Variants in KDM2A observed in about 807,000 individuals in gnomAD.
KDM2A encodes the protein lysine-specific demethylase 2A.
In KDM2A, 3 loss-of-function variants were observed where a neutral mutation model predicts 137.3. The observed-to-expected ratio is 0.02, with a 90% CI of 0.01 to 0.06. KDM2A has a LOEUF of 0.06. KDM2A is among the 10% of genes least tolerant of loss of function. The pLI, the probability that KDM2A is intolerant of heterozygous loss-of-function variation, is 1.00. For synonymous variants in KDM2A, 512 were observed against 541.5 expected, an observed-to-expected ratio of 0.95 and a Z score of 0.76; for missense variants, 738 against 1,510.6, an observed-to-expected ratio of 0.49 and a Z score of 8.48.
intron 5 of KDM2A, among the ~76,000 whole-genome samples, chr11:67,198,283 G>T (rs892248104): frequency 6.6e-6 from 1 of 151,086 alleles, no homozygotes. Context: ...GAGTATGAGC[G>T]CACCTCATTT....
At chr11:67,183,401 A>C (rs544420214) in intron 5 of KDM2A, among the ~76,000 whole-genome samples, 1 of 152,348 alleles carries the variant, frequency 6.6e-6, no homozygotes, top group Admixed American at 6.5e-5. Flanking sequence ...CCTGCATCAG[A>C]ATTGCTTGTG....
In KDM2A at chr11:67,245,562, A is replaced by G; in HGVS notation, c.1833+104A>G. On this transcript the variant is annotated intron_variant, in intron 14 of 20. Transcript: ENST00000529006. The surrounding 1 kb of genome is among the most constrained non-coding windows in gnomAD (Gnocchi z 4.1). The stretch of plus-strand genomic sequence containing the variant: ...AAAGAGACTTCAGAGTTGGAAAGAA[A>G]AGGTTTATACTCTCTTTTTGGCTTT... 1 of 1,292,706 alleles carries G rather than the reference A, an allele frequency of 7.7e-7. No individual in the cohort carries two copies. The highest frequency in any genetic ancestry group is 2.3e-5 in the Admixed American group (1 of 42,626). The allele number at this position is 1,292,706 out of a possible 1,614,324, so 80.1% of individuals were successfully genotyped here.
intron 6 of KDM2A, among the ~76,000 whole-genome samples, chr11:67,210,949 C>T (rs1222410548): frequency 6.6e-6 from 1 of 152,024 alleles, no homozygotes; most frequent in African/African-American, 2.4e-5. Flanking sequence ...CGAGACCACT[C>T]GGGAGGCTGA....
rs568192970 is a variant in KDM2A, at chr11:67,193,097, C to G, written c.307+11205C>G. ...CTCCGCCTCCCAGGTTCAAGTGATT[C>G]TCCTGCCTCAGCCTCCTGAGTAGCT... On this transcript the variant is annotated intron_variant, in intron 5 of 20. Coordinates refer to ENST00000529006, the MANE Select transcript of KDM2A (RefSeq NM_012308.3). Among the ~76,000 whole-genome samples, 165 of 152,316 alleles carry G rather than the reference C, an allele frequency of 1.1e-3. 1 individual carries two copies. In the Middle Eastern group the frequency reaches 0.017, roughly 16 times the overall value.
intron 3 of KDM2A, 53 bp from the exon 4 acceptor site, chr11:67,181,267 T>G: frequency 8.4e-7 from 1 of 1,190,450 alleles, no homozygotes; most frequent in Non-Finnish European, 1.2e-6. Context: ...TATGGTCCTT[T>G]TATCGTTTTT....
At chr11:67,138,361 TC>T (rs1305685056) in intron 2 of KDM2A, among the ~76,000 whole-genome samples, 1 of 152,218 alleles carries the variant, frequency 6.6e-6, no homozygotes, top group Non-Finnish European at 1.5e-5. Flanking sequence ...AGATTGCTAA[TC>T]AGGTTGCATA....
intron 6 of KDM2A, among the ~76,000 whole-genome samples, chr11:67,208,768 CAA>C (rs530204253): frequency 6.8e-4 from 46 of 67,514 alleles, no homozygotes; most frequent in Admixed American, 1.2e-3. Flanking sequence ...GACCCTGTCT[CAA>C]AAAAAAAAAA....
At position 67,250,565 on chromosome 11, in the gene KDM2A, C is replaced by G. The variant is rs769467365; in HGVS notation, c.2535C>G (p.Pro845=). 1.2e-6 allele frequency: 2 copies of G among 1,613,700 alleles called. No homozygotes were observed. The highest frequency in any genetic ancestry group is 1.7e-6 in the Non-Finnish European group (2 of 1,179,738). The change falls in exon 17 of 21, where the codon CCC becomes CCG. Residue 845 remains proline (P), a synonymous_variant. Transcript: ENST00000529006. The surrounding 1 kb of genome is among the most constrained non-coding windows in gnomAD (Gnocchi z 7.1). ...VLVQHCPART[P]QRGDEEGLGG... is the part of the protein sequence containing the mutation. The stretch of plus-strand genomic sequence containing the variant: ...TGCAGCACTGCCCAGCCCGAACCCC[C>G]CAGCGTGGGGATGAGGAGGGGCTGG...
intron 9 of KDM2A, among the ~76,000 whole-genome samples, chr11:67,218,533 T>G (rs1046297982): frequency 6.6e-6 from 1 of 152,104 alleles, no homozygotes; most frequent in Non-Finnish European, 1.5e-5. Flanking sequence ...CTTAAAACAT[T>G]ATGAGATTTT....
At chr11:67,193,762 G>A (rs1857412284) in intron 5 of KDM2A, among the ~76,000 whole-genome samples, 1 of 152,222 alleles carries the variant, frequency 6.6e-6, no homozygotes, top group Non-Finnish European at 1.5e-5. Context: ...TTGGGAGGCT[G>A]AGGCAGAAGA....
Position 67,245,855 on chromosome 11 carries a change from C to T in KDM2A, c.1834-130C>T. The T allele has an allele frequency of 9.1e-7, 1 of 1,098,992 alleles. No homozygotes were observed. Among genetic ancestry groups the T allele is most frequent in the East Asian group, 2.6e-5 (1 of 39,026 alleles). 68.1% of individuals were successfully genotyped at this position (1,098,992 alleles called of 1,614,324 possible). On this transcript the variant is annotated intron_variant, in intron 14 of 20. Coordinates refer to ENST00000529006, the MANE Select transcript of KDM2A (RefSeq NM_012308.3). This position sits in a 1 kb window ranked among gnomAD's most constrained non-coding sequence, Gnocchi z 4.1. Reference sequence around the variant, plus strand: ...TACCCAAAACCTCCGTTCTCTCCACCCTGCCTCCATGCTTCCAGGTGTTTA... The same window carrying T: ...TACCCAAAACCTCCGTTCTCTCCACTCTGCCTCCATGCTTCCAGGTGTTTA...
chr11:67,226,461 G>A (rs553301497), intron 10 of KDM2A, among the ~76,000 whole-genome samples: 148 of 152,208 alleles, frequency 9.7e-4, no homozygotes, highest in African/African-American at 3.5e-3. Flanking sequence ...AGTGGCTCAC[G>A]CCTGTAATCC....
chr11:67,178,002 CATT>C (rs1857007577), intron 2 of KDM2A, among the ~76,000 whole-genome samples: 4 of 152,156 alleles, frequency 2.6e-5, no homozygotes, highest in Admixed American at 2.6e-4. Context: ...ACTGAAATGT[CATT>C]ATACTGTGCA....
At chr11:67,155,652 T>C (rs996119637) in intron 2 of KDM2A, among the ~76,000 whole-genome samples, 2 of 151,520 alleles carry the variant, frequency 1.3e-5, no homozygotes, top group Admixed American at 1.3e-4. Context: ...GTTTTGTTGT[T>C]GTTGCCCAGG....
chr11:67,140,246 G>C (rs1328188109), intron 2 of KDM2A, among the ~76,000 whole-genome samples: 2 of 151,912 alleles, frequency 1.3e-5, no homozygotes, highest in African/African-American at 4.8e-5. Context: ...TGTACCTCTA[G>C]TCCCAGGTAA....
intron 2 of KDM2A, among the ~76,000 whole-genome samples, chr11:67,153,236 C>T (rs1005680223): frequency 3.3e-5 from 5 of 152,048 alleles, no homozygotes; most frequent in African/African-American, 1.2e-4. Context: ...CGACCCGCCT[C>T]GGCCTCCCAA....
chr11:67,128,845 A>G (rs1043843251), intron 2 of KDM2A, among the ~76,000 whole-genome samples: 1 of 152,204 alleles, frequency 6.6e-6, no homozygotes, highest in African/African-American at 2.4e-5. Flanking sequence ...CTGAATAAGT[A>G]TTTGTTGATA....
Position 67,254,110 on chromosome 11 carries a change from G to A in KDM2A, c.3092-93G>A, listed in dbSNP as rs1859525253. ...AGTTCTACTTAACCCCTTCAAGGGG[G>A]CCTGGCCAGCAAGTAGCTGTTGCTG... On this transcript the variant is annotated intron_variant, in intron 19 of 20. Coordinates refer to ENST00000529006, the MANE Select transcript of KDM2A (RefSeq NM_012308.3). The surrounding 1 kb of genome is among the most constrained non-coding windows in gnomAD (Gnocchi z 4.7). 3 of 1,145,420 alleles carry A rather than the reference G, an allele frequency of 2.6e-6. No individual in the cohort carries two copies. Among genetic ancestry groups the A allele is most frequent in the Admixed American group, 2.2e-5 (1 of 45,694 alleles). 71.0% of individuals were successfully genotyped at this position (1,145,420 alleles called of 1,614,324 possible).
Position 67,219,268 on chromosome 11 carries a change from C to T in KDM2A, c.842-20C>T, listed in dbSNP as rs756946962. ...GTAATGTGTGTTTTCAGCCACTGCC[C>T]TCTGTTCCCCTTCTCCTAGGCTGGA... On this transcript the variant is annotated intron_variant, in intron 9 of 20. Coordinates refer to ENST00000529006, the MANE Select transcript of KDM2A (RefSeq NM_012308.3). 2.2e-6 allele frequency: 3 copies of T among 1,367,598 alleles called. No individual in the cohort carries two copies. The highest frequency in any genetic ancestry group is 2.6e-5 in the South Asian group (2 of 75,752). 84.7% of individuals were successfully genotyped at this position (1,367,598 alleles called of 1,614,324 possible).
Sources: gnomAD v4.1 joint callset for allele counts (sites outside exome capture counted in the v4.1 genomes callset) on GRCh38, gnomAD v4.1.1 for gene constraint, Gnocchi (gnomAD v3.1) non-coding constraint, MANE v1.5 for transcripts, NCBI Gene and HGNC (gene_info 2026-07-23, HGNC 2026-07-21) for gene names.